NR3C2: variants seen among roughly 807,000 people sequenced by gnomAD.
NR3C2 encodes the protein nuclear receptor subfamily 3 group C member 2, also known as mineralocorticoid receptor.
Under a neutral mutation model 86.4 loss-of-function variants are expected in NR3C2, and 15 were observed. The ratio of observed to expected loss-of-function variants is 0.17; its 90% CI spans 0.12 to 0.27. The LOEUF is 0.27. Among genes scored for constraint, NR3C2 ranks in the 10% least tolerant of loss-of-function variants. The pLI is 1.00. For missense variants in NR3C2, 960 were observed against 1,195.6 expected (o/e 0.80, Z 2.91); for synonymous variants, 458 against 450.5 (o/e 1.02, Z -0.21).
Position 148,336,611 on chromosome 4 carries a change from GA to G in NR3C2, c.1758-76495del, listed in dbSNP as rs1287367452. On this transcript the variant is annotated intron_variant, in intron 2 of 8. Transcript: ENST00000358102. The stretch of plus-strand genomic sequence containing the variant: ...ATGGAATCTTTGCAAGGCCCCAGGA[GA>G]AGTAAGCTACAGCTGAGAAATTGAA... Among the ~76,000 whole-genome samples, 3 of 152,114 alleles carry G rather than the reference GA, an allele frequency of 2.0e-5. No individual in the cohort carries two copies. In the East Asian group the frequency reaches 5.8e-4, roughly 29 times the overall value.
At chr4:148,389,095 T>C (rs1307891866) in intron 2 of NR3C2, among the ~76,000 whole-genome samples, 1 of 152,160 alleles carries the variant, frequency 6.6e-6, no homozygotes, top group Non-Finnish European at 1.5e-5. Context: ...ATCTCAAATT[T>C]CCACTTTCAT....
chr4:148,428,760 T>G (rs775415552), intron 2 of NR3C2, among the ~76,000 whole-genome samples: 45 of 151,978 alleles, frequency 3.0e-4, no homozygotes, highest in African/African-American at 7.7e-4. Flanking sequence ...AAAGCCTAGC[T>G]CTCATCCTTC....
At chr4:148,176,314 CTG>C (rs1735372175) in intron 4 of NR3C2, among the ~76,000 whole-genome samples, 2 of 152,190 alleles carry the variant, frequency 1.3e-5, no homozygotes, top group African/African-American at 2.4e-5. Flanking sequence ...GAAATTATAA[CTG>C]AGGTGGTCTG....
Position 148,233,934 on chromosome 4 carries a change from T to C in NR3C2, c.1897+26044A>G, listed in dbSNP as rs191005964. Among the ~76,000 whole-genome samples, 9 of 152,078 alleles carry C rather than the reference T, an allele frequency of 5.9e-5. No homozygotes were observed. In the East Asian group the frequency reaches 1.7e-3, roughly 29 times the overall value. On this transcript the variant is annotated intron_variant, in intron 3 of 8. Transcript: ENST00000358102. Reference sequence around the variant, plus strand: ...AAGTGAGCACATGCTGTTGGGAAAATGGCACTACTACACTTGCTCAATGCA... The same window carrying C: ...AAGTGAGCACATGCTGTTGGGAAAACGGCACTACTACACTTGCTCAATGCA...
intron 7 of NR3C2, among the ~76,000 whole-genome samples, chr4:148,118,784 G>A (rs564638375): frequency 6.6e-6 from 1 of 152,272 alleles, no homozygotes; most frequent in South Asian, 2.1e-4. Flanking sequence ...CTCAAAACCT[G>A]TGTCACTCTG....
At chr4:148,128,778 C>T (rs1481469501) in intron 6 of NR3C2, among the ~76,000 whole-genome samples, 4 of 152,180 alleles carry the variant, frequency 2.6e-5, no homozygotes, top group Non-Finnish European at 5.9e-5. Context: ...CCCTGAAATT[C>T]GGCTAGACCA....
chr4:148,242,405 T>C (rs1040620597), intron 3 of NR3C2, among the ~76,000 whole-genome samples: 4 of 152,222 alleles, frequency 2.6e-5, no homozygotes, highest in Non-Finnish European at 4.4e-5. Context: ...AATCTTAATC[T>C]AGAATCCTAT....
intron 2 of NR3C2, among the ~76,000 whole-genome samples, chr4:148,308,112 G>A (rs576140348): frequency 2.0e-5 from 3 of 152,136 alleles, no homozygotes; most frequent in East Asian, 1.9e-4. Context: ...CATTGTTTGG[G>A]TTCTTTACCA....
chr4:148,432,259 A>C (rs943115498), intron 2 of NR3C2, among the ~76,000 whole-genome samples: 1 of 152,148 alleles, frequency 6.6e-6, no homozygotes, highest in Non-Finnish European at 1.5e-5. Context: ...CATAGAGAAA[A>C]TCTCATCTCA....
chr4:148,184,742 C>T (rs1036380384), intron 4 of NR3C2, among the ~76,000 whole-genome samples: 6 of 152,240 alleles, frequency 3.9e-5, no homozygotes, highest in Admixed American at 2.0e-4. Context: ...CTTGTGTCAT[C>T]TAGATTTTAA....
intron 2 of NR3C2, among the ~76,000 whole-genome samples, chr4:148,331,538 T>C (rs1447632710): frequency 6.6e-6 from 1 of 152,236 alleles, no homozygotes; most frequent in East Asian, 1.9e-4. Context: ...TTACATAAAG[T>C]ATATATCCAC....
At chr4:148,153,003 G>A (rs927399283) in intron 5 of NR3C2, among the ~76,000 whole-genome samples, 1 of 152,148 alleles carries the variant, frequency 6.6e-6, no homozygotes, top group Non-Finnish European at 1.5e-5. Flanking sequence ...CAAACCCTGT[G>A]TATCTGCAAT....
intron 3 of NR3C2, among the ~76,000 whole-genome samples, chr4:148,227,488 GA>G (rs1738236306): frequency 6.6e-6 from 1 of 152,044 alleles, no homozygotes; most frequent in Admixed American, 6.6e-5. Flanking sequence ...CTTTTGGGGG[GA>G]TATTTCAAGA....
At chr4:148,174,561 G>A (rs1735279579) in intron 4 of NR3C2, among the ~76,000 whole-genome samples, 1 of 152,158 alleles carries the variant, frequency 6.6e-6, no homozygotes, top group African/African-American at 2.4e-5. Context: ...CAACCATGGC[G>A]GGAGCCTGGG....
intron 2 of NR3C2, among the ~76,000 whole-genome samples, chr4:148,394,911 T>A (rs567840880): frequency 6.6e-6 from 1 of 152,088 alleles, no homozygotes; most frequent in Non-Finnish European, 1.5e-5. Flanking sequence ...TTTCTACCTA[T>A]GATAAAGGCA....
chr4:148,402,971 T>C (rs980667966), intron 2 of NR3C2, among the ~76,000 whole-genome samples: 2 of 152,038 alleles, frequency 1.3e-5, no homozygotes, highest in Non-Finnish European at 2.9e-5. Context: ...TGAGGAGCAA[T>C]AGGAAACTTT....
At position 148,309,169 on chromosome 4, in the gene NR3C2, T is replaced by A. The variant is rs1023447015; in HGVS notation, c.1758-49052A>T. Among the ~76,000 whole-genome samples, 15 of 152,164 alleles carry A rather than the reference T, an allele frequency of 9.9e-5. No homozygotes were observed. In the East Asian group the frequency reaches 1.7e-3, roughly 18 times the overall value. The stretch of plus-strand genomic sequence containing the variant: ...GATTATTATGTGTCAATTTAAAAAA[T>A]TTTTTAAAGAAAAAGAAGAAAGAAT... On this transcript the variant is annotated intron_variant, in intron 2 of 8. Coordinates refer to ENST00000358102, the MANE Select transcript of NR3C2 (RefSeq NM_000901.5).
At chr4:148,372,570 T>G (rs933772162) in intron 2 of NR3C2, among the ~76,000 whole-genome samples, 2 of 152,134 alleles carry the variant, frequency 1.3e-5, no homozygotes, top group Non-Finnish European at 2.9e-5. Context: ...ACAATGTGCC[T>G]ACAAGCAATC....
chr4:148,303,174 CA>C (rs1169313558), intron 2 of NR3C2, among the ~76,000 whole-genome samples: 28 of 152,142 alleles, frequency 1.8e-4, no homozygotes, highest in African/African-American at 6.5e-4. Flanking sequence ...AGAGAAATTA[CA>C]TTTCAAAACT....
Sources: allele counts gnomAD v4.1 joint callset (sites outside exome capture counted in the v4.1 genomes callset), GRCh38; gene constraint gnomAD v4.1.1; transcripts MANE v1.5; gene names NCBI Gene and HGNC (gene_info 2026-07-23, HGNC 2026-07-21).